The following GEN1 variants were observed in gnomAD, a reference collection of about 807,000 sequenced individuals.
GEN1 encodes the protein GEN1 structure-specific endonuclease.
GEN1 carries 64 observed loss-of-function variants against 67.6 expected under a neutral mutation model. That is an observed-to-expected ratio of 0.95 (90% CI 0.77 to 1.17). The LOEUF is 1.17. Among genes scored for constraint, GEN1 ranks in the 50% most tolerant of loss-of-function variants. The pLI is 0.00. For synonymous variants in GEN1, 371 were observed against 359.4 expected, an observed-to-expected ratio of 1.03 and a Z score of -0.37; for missense variants, 1,058 against 1,048.3, an observed-to-expected ratio of 1.01 and a Z score of -0.13.
chr2:17,765,848 C>T (rs1017716531), intron 4 of GEN1, among the ~76,000 whole-genome samples: 72 of 151,918 alleles, frequency 4.7e-4, no homozygotes, highest in African/African-American at 1.7e-3. Context: ...AATAAATATT[C>T]ATATATATGT....
At chr2:17,771,078 C>T (rs1436558647) in intron 6 of GEN1, 118 bp from the exon 7 acceptor site, 1 of 718,258 alleles carries the variant, frequency 1.4e-6, no homozygotes, top group Non-Finnish European at 2.5e-6. Flanking sequence ...CTTTATCAGC[C>T]ACCAAAGGGA....
intron 12 of GEN1, among the ~76,000 whole-genome samples, 197 bp downstream of exon 12, chr2:17,778,260 A>ATATGTATATACACACACATG (rs1558408964): frequency 5.4e-5 from 2 of 37,252 alleles, no homozygotes; most frequent in Admixed American, 4.6e-4. Context: ...ATACACACAT[A>ATATGTATATACACACACATG]TGTGTGTACA....
Position 17,763,510 on chromosome 2 carries a change from G to C in GEN1, c.349-1387G>C, listed in dbSNP as rs1487122020. 2.0e-5 allele frequency among the ~76,000 whole-genome samples: 3 copies of C among 152,236 alleles called. No individual in the cohort carries two copies. In the East Asian group the frequency reaches 5.8e-4, roughly 29 times the overall value. ...CATTTTTATATTTCTGTACTCTTCA[G>C]TTACTAGGCCCTGCTTCCTCCTAAT... On this transcript the variant is annotated intron_variant, in intron 3 of 13. Transcript: ENST00000381254.
Position 17,772,633 on chromosome 2 carries a change from G to A in GEN1, c.803-1G>A. ...TATACTTTTTTTGGGTCTCCATAAA[G>A]GTTCACCTAAGGATCATGAACGTAA... On this transcript the variant is annotated splice_acceptor_variant, in intron 7 of 13. Coordinates refer to ENST00000381254, the MANE Select transcript of GEN1 (RefSeq NM_001130009.3). LOFTEE classifies it high-confidence loss of function. 1 of 1,601,572 alleles carries A rather than the reference G, an allele frequency of 6.2e-7. No homozygotes were observed. The highest frequency in any genetic ancestry group is 8.5e-7 in the Non-Finnish European group (1 of 1,174,900).
At chr2:17,774,779 G>GAA (rs747560753) in intron 11 of GEN1, among the ~76,000 whole-genome samples, 2 of 140,120 alleles carry the variant, frequency 1.4e-5, no homozygotes, top group Admixed American at 7.2e-5. Flanking sequence ...TCGCTTCAGA[G>GAA]AAAAAAAAAA....
In GEN1 at chr2:17,765,122, T is replaced by TAAA. The variant is rs753906591; in HGVS notation, c.525+49_525+50insAAA. On this transcript the variant is annotated intron_variant, in intron 4 of 13. Coordinates refer to ENST00000381254, the MANE Select transcript of GEN1 (RefSeq NM_001130009.3). ...CAGCATTTGTTTACGAACTACCTTT[T>TAAA]TTAAAGGGCTGATTAAATGAAATAG... 1.1e-4 allele frequency: 167 copies of TAAA among 1,546,302 alleles called. 1 individual carries two copies. Among genetic ancestry groups the TAAA allele is most frequent in the East Asian group, 1.3e-4 (6 of 44,470 alleles).
intron 3 of GEN1, 44 bp downstream of exon 3, chr2:17,761,626 G>A: frequency 1.5e-6 from 2 of 1,371,666 alleles, no homozygotes; most frequent in Non-Finnish European, 2.0e-6. Flanking sequence ...TTGAATTAAA[G>A]GGTGCATTTT....
At position 17,761,542 on chromosome 2, in the gene GEN1, A is replaced by G. The variant is rs762245855; in HGVS notation, c.308A>G (p.Gln103Arg). Residue 103 changes from glutamine to arginine, a missense_variant, in exon 3 of 14, where the codon CAG becomes CGG. By Grantham distance (43) the Gln-to-Arg change is conservative. Coordinates refer to ENST00000381254, the MANE Select transcript of GEN1 (RefSeq NM_001130009.3). ...GGGTCTTCTGGAAAATCGTGGTCTC[A>G]GAAAACAGGGAGATCACATTTTAAA... ...RYGSSGKSWSQKTGRSHFKSV... is the reference protein window; with the variant it reads ...RYGSSGKSWSRKTGRSHFKSV... 4 of 1,612,060 alleles carry G rather than the reference A, an allele frequency of 2.5e-6. No individual in the cohort carries two copies. Among genetic ancestry groups the G allele is most frequent in the Middle Eastern group, 1.6e-4 (1 of 6,080 alleles).
chr2:17,777,902 A>G, intron 11 of GEN1, 100 bp from the exon 12 acceptor site: 2 of 649,850 alleles, frequency 3.1e-6, no homozygotes, highest in East Asian at 2.9e-5. Flanking sequence ...AAATGTTTTT[A>G]CCTGGGAAAA....
chr2:17,775,434 A>G (rs1672382015), intron 11 of GEN1, among the ~76,000 whole-genome samples: 1 of 152,216 alleles, frequency 6.6e-6, no homozygotes, highest in African/African-American at 2.4e-5. Context: ...AAAGGTTGAA[A>G]AGTAATTTTT....
intron 2 of GEN1, among the ~76,000 whole-genome samples, chr2:17,761,093 A>G (rs1671656607): frequency 1.3e-5 from 2 of 151,826 alleles, no homozygotes; most frequent in South Asian, 2.1e-4. Flanking sequence ...TTAGCCGGGC[A>G]TGGTGGCACA....
intron 1 of GEN1, among the ~76,000 whole-genome samples, chr2:17,758,348 C>T (rs1249082162): frequency 2.0e-5 from 3 of 152,110 alleles, no homozygotes; most frequent in Non-Finnish European, 2.9e-5. Context: ...CAGTGTGCAC[C>T]GTGAGTCACA....
At chr2:17,772,070 T>C (rs534188295) in intron 7 of GEN1, among the ~76,000 whole-genome samples, 2 of 152,174 alleles carry the variant, frequency 1.3e-5, no homozygotes, top group South Asian at 4.1e-4. Flanking sequence ...AAGACAATGT[T>C]GAAAGTAATC....
chr2:17,772,559 C>G, intron 7 of GEN1, 75 bp from the exon 8 acceptor site: 1 of 1,376,796 alleles, frequency 7.3e-7, no homozygotes, highest in Non-Finnish European at 9.9e-7. Flanking sequence ...AATTTAGATA[C>G]TGGCAAAAAG....
intron 7 of GEN1, among the ~76,000 whole-genome samples, chr2:17,771,768 C>A (rs1672201520): frequency 7.0e-6 from 1 of 143,078 alleles, no homozygotes; most frequent in South Asian, 2.5e-4. Flanking sequence ...TAGCTTGGAT[C>A]TTCTTCATTA....
chr2:17,773,437 ACTCT>A (rs1372687927), intron 10 of GEN1, 138 bp downstream of exon 10: 6 of 588,762 alleles, frequency 1.0e-5, no homozygotes, highest in African/African-American at 3.8e-5. Flanking sequence ...ATTTATTTCT[ACTCT>A]CTCATTTGCC....
chr2:17,771,326 C>T, intron 7 of GEN1, 39 bp downstream of exon 7: 1 of 1,165,064 alleles, frequency 8.6e-7, no homozygotes, highest in Non-Finnish European at 1.3e-6. Context: ...TATCTCATAC[C>T]CATGTTTTAA....
rs1292089351 is a variant in GEN1 at position 17,772,668 on chromosome 2, A to T, written c.837A>T (p.Arg279Ser). ...SPKDHERNGC[R>S]LCKSDKYCEP... The stretch of plus-strand genomic sequence containing the variant: ...AGGATCATGAACGTAATGGATGCAG[A>T]TTATGTAAAAGTGATAAATATTGTG... The change falls in exon 8 of 14, where the codon AGA (arginine) becomes AGT (serine). Residue 279 changes from arginine to serine, a missense_variant. Coordinates refer to ENST00000381254, the MANE Select transcript of GEN1 (RefSeq NM_001130009.3). 1 of 1,611,706 alleles carries T rather than the reference A, an allele frequency of 6.2e-7. No individual in the cohort carries two copies. Among genetic ancestry groups the T allele is most frequent in the African/African-American group, 1.3e-5 (1 of 74,952 alleles).
In GEN1 at chr2:17,784,425, A is replaced by C. The variant is rs1672983067; in HGVS notation, c.*2486A>C. ...GGTAGTTCTTCAAATGGTTAAATGTAGAGTTACGATATGATCCAGCAATTC... is the reference window on the plus strand; with the variant it reads ...GGTAGTTCTTCAAATGGTTAAATGTCGAGTTACGATATGATCCAGCAATTC... On this transcript the variant is annotated 3_prime_UTR_variant, in exon 14 of 14. Coordinates refer to ENST00000381254, the MANE Select transcript of GEN1 (RefSeq NM_001130009.3). 1 of 152,230 alleles carries C rather than the reference A, an allele frequency of 6.6e-6. No homozygotes were observed. The highest frequency in any genetic ancestry group is 1.5e-5 in the Non-Finnish European group (1 of 68,040). 9.4% of individuals were successfully genotyped at this position (152,230 alleles called of 1,614,324 possible). A position where few individuals can be genotyped will look rare whatever the true frequency, so the allele number is the denominator to read the frequency against.
Sources: gnomAD v4.1 joint callset for allele counts (sites outside exome capture counted in the v4.1 genomes callset) on GRCh38, gnomAD v4.1.1 for gene constraint, MANE v1.5 for transcripts, NCBI Gene and HGNC (gene_info 2026-07-23, HGNC 2026-07-21) for gene names.